The following SHC2 variants were observed in gnomAD, a reference collection of about 807,000 sequenced individuals.
The protein encoded by SHC2 is SHC-transforming protein 2.
In SHC2, 62 loss-of-function variants were observed where a neutral mutation model predicts 60.6. The observed-to-expected ratio is 1.02, with a 90% CI of 0.83 to 1.26. The LOEUF is 1.26. Among genes scored for constraint, SHC2 ranks in the 50% most tolerant of loss-of-function variants. The pLI is 0.00. For synonymous variants in SHC2, 375 were observed against 372.4 expected, an observed-to-expected ratio of 1.01 and a Z score of -0.08; for missense variants, 873 against 822.2, an observed-to-expected ratio of 1.06 and a Z score of -0.76.
intron 1 of SHC2, among the ~76,000 whole-genome samples, chr19:456,055 G>C (rs1975335044): frequency 6.6e-6 from 1 of 152,172 alleles, no homozygotes; most frequent in South Asian, 2.1e-4. Context: ...AGGACCCTCA[G>C]CCCCGGGTTC....
At chr19:458,672 C>T (rs1238030498) in intron 1 of SHC2, among the ~76,000 whole-genome samples, 3 of 106,542 alleles carry the variant, frequency 2.8e-5, no homozygotes, top group Non-Finnish European at 3.6e-5. Context: ...AAGTGGGTTC[C>T]GGGGGAGGGG....
In SHC2 at chr19:453,953, G is replaced by A. The variant is rs1355933931; in HGVS notation, c.468+6576C>T. ...CGAGCCCAGCGCCAAAATGGTACGTGTGGGAGAACACGGGGTCGGTGTCCA... is the reference window on the plus strand; with the variant it reads ...CGAGCCCAGCGCCAAAATGGTACGTATGGGAGAACACGGGGTCGGTGTCCA... On this transcript the variant is annotated intron_variant, in intron 1 of 12. Coordinates refer to ENST00000264554, the MANE Select transcript of SHC2 (RefSeq NM_012435.3). The surrounding 1 kb of genome is among the most constrained non-coding windows in gnomAD (Gnocchi z 6.3). Among the ~76,000 whole-genome samples, 2 of 152,348 alleles carry A rather than the reference G, an allele frequency of 1.3e-5. No individual in the cohort carries two copies. Among genetic ancestry groups the A allele is most frequent in the African/African-American group, 2.4e-5 (1 of 41,592 alleles).
In SHC2 at chr19:443,367, CGGATGGATGGAT is replaced by C. The variant is rs1243614006; in HGVS notation, c.469-2447_469-2436del. ...ATGTGTAGGTGGATGGGTGGATGGA[CGGATGGATGGAT>C]GGGTGGGTGGATGAATGGATGGATG... On this transcript the variant is annotated intron_variant, in intron 1 of 12. Transcript: ENST00000264554. Among the ~76,000 whole-genome samples the C allele has an allele frequency of 1.4e-4, 9 of 64,680 alleles. No individual in the cohort carries two copies. In the East Asian group the frequency reaches 1.7e-3, roughly 12 times the overall value. 42.4% of individuals were successfully genotyped at this position (64,680 alleles called of 152,430 possible). A position where few individuals can be genotyped will look rare whatever the true frequency, so the allele number is the denominator to read the frequency against.
At chr19:454,735 A>G (rs1225204456) in intron 1 of SHC2, among the ~76,000 whole-genome samples, 1 of 151,976 alleles carries the variant, frequency 6.6e-6, no homozygotes, top group Non-Finnish European at 1.5e-5. Context: ...GGTTGCGGTG[A>G]GCCGAGATCG....
rs191826224 is a variant in SHC2 at position 440,091 on chromosome 19, G to A, written c.539+771C>T. On this transcript the variant is annotated intron_variant, in intron 2 of 12. Coordinates refer to ENST00000264554, the MANE Select transcript of SHC2 (RefSeq NM_012435.3). This position sits in a 1 kb window ranked among gnomAD's most constrained non-coding sequence, Gnocchi z 7.0. ...CACAGCGCGGACACACCTCGGGAAC[G>A]CCATGCTCAGTGAGAGACGCCAGAC... Among the ~76,000 whole-genome samples, 6 of 151,202 alleles carry A rather than the reference G, an allele frequency of 4.0e-5. No individual in the cohort carries two copies. The highest frequency in any genetic ancestry group is 2.1e-4 in the South Asian group (1 of 4,736).
Position 438,599 on chromosome 19 carries a change from T to C in SHC2, c.720+119A>G, listed in dbSNP as rs1974774358. 3 of 1,214,404 alleles carry C rather than the reference T, an allele frequency of 2.5e-6. No individual in the cohort carries two copies. In the South Asian group the frequency reaches 4.4e-5, roughly 18 times the overall value. The allele number at this position is 1,214,404 out of a possible 1,614,324, so 75.2% of individuals were successfully genotyped here. A position where few individuals can be genotyped will look rare whatever the true frequency, so the allele number is the denominator to read the frequency against. ...AGCTCCTGCTCAGCGGGGCCTCGGCTCGTCTTTCTGGATAAACGCCACCTG... is the reference window on the plus strand; with the variant it reads ...AGCTCCTGCTCAGCGGGGCCTCGGCCCGTCTTTCTGGATAAACGCCACCTG... On this transcript the variant is annotated intron_variant, in intron 4 of 12. Transcript: ENST00000264554. The surrounding 1 kb of genome is among the most constrained non-coding windows in gnomAD (Gnocchi z 5.0).
chr19:443,574 AC>A (rs1974968902), intron 1 of SHC2, among the ~76,000 whole-genome samples: 1 of 139,370 alleles, frequency 7.2e-6, no homozygotes. Flanking sequence ...GGGTGGATGG[AC>A]GGGTGGGTGG....
chr19:459,611 GAACTCAGTGTAAGGGGAAGGACCCTTCTC>G (rs1975490167), intron 1 of SHC2, among the ~76,000 whole-genome samples: 1 of 149,608 alleles, frequency 6.7e-6, no homozygotes, highest in Non-Finnish European at 1.5e-5. Context: ...GGACCCCACT[GAACTCAGTGTAAGGGGAAGGACCCTTCTC>G]AACTCAGTGT....
In SHC2 at chr19:436,423, C is replaced by A; in HGVS notation, c.783G>T (p.Thr261=). The change falls in exon 6 of 13, where the codon ACG becomes ACT. Residue 261 remains threonine (T), a synonymous_variant. Coordinates refer to ENST00000264554, the MANE Select transcript of SHC2 (RefSeq NM_012435.3). ...SFASGGDTDM[T]DYVAYVAKDP... ...CCTTGGCGACGTAGGCCACGTAATC[C>A]GTCATGTCCTGGGGGCGGGGAGGGG... 1 of 1,597,778 alleles carries A rather than the reference C, an allele frequency of 6.3e-7. No homozygotes were observed. Among genetic ancestry groups the A allele is most frequent in the African/African-American group, 1.3e-5 (1 of 74,344 alleles).
chr19:460,570 C>T lies in SHC2; in HGVS notation c.427G>A (p.Asp143Asn). 1.4e-6 allele frequency: 2 copies of T among 1,413,708 alleles called. No individual in the cohort carries two copies. Among genetic ancestry groups the T allele is most frequent in the African/African-American group, 1.5e-5 (1 of 67,130 alleles). The allele number at this position is 1,413,708 out of a possible 1,614,324, so 87.6% of individuals were successfully genotyped here. Reference sequence around the variant, plus strand: ...ACCCCGGGCCCCAGGACCCTGGCGTCGGGGTGTAGCCAGCCGTGCGCGGGT... The same window carrying T: ...ACCCCGGGCCCCAGGACCCTGGCGTTGGGGTGTAGCCAGCCGTGCGCGGGT... ...HKPAHGWLHP[D>N]ARVLGPGVSY... is the part of the protein sequence containing the mutation. The change falls in exon 1 of 13, where the codon GAC becomes AAC. Residue 143 changes from aspartate to asparagine, a missense_variant. Coordinates refer to ENST00000264554, the MANE Select transcript of SHC2 (RefSeq NM_012435.3).
In SHC2 at chr19:440,781, C is replaced by T; in HGVS notation, c.539+81G>A. ...GACCCCAGCGCGGCTGTCGGAGAGCCCATCGCTGCCGCCCTCCAGTGCTGC... is the reference window on the plus strand; with the variant it reads ...GACCCCAGCGCGGCTGTCGGAGAGCTCATCGCTGCCGCCCTCCAGTGCTGC... On this transcript the variant is annotated intron_variant, in intron 2 of 12. Coordinates refer to ENST00000264554, the MANE Select transcript of SHC2 (RefSeq NM_012435.3). This position sits in a 1 kb window ranked among gnomAD's most constrained non-coding sequence, Gnocchi z 7.0. 1.6e-6 allele frequency: 2 copies of T among 1,244,192 alleles called. No individual in the cohort carries two copies. Among genetic ancestry groups the T allele is most frequent in the Admixed American group, 3.4e-5 (2 of 58,724 alleles). 77.1% of individuals were successfully genotyped at this position (1,244,192 alleles called of 1,614,324 possible). A position where few individuals can be genotyped will look rare whatever the true frequency, so the allele number is the denominator to read the frequency against.
chr19:456,917 G>A (rs113316668), intron 1 of SHC2, among the ~76,000 whole-genome samples: 2,838 of 143,606 alleles, frequency 0.02, 245 homozygotes, highest in African/African-American at 0.072. Context: ...AACCCACTGC[G>A]TGGGGCCTTT....
At chr19:426,229 G>A (rs1974412041) in intron 9 of SHC2, among the ~76,000 whole-genome samples, 1 of 152,228 alleles carries the variant, frequency 6.6e-6, no homozygotes, top group Non-Finnish European at 1.5e-5. Flanking sequence ...GGGTGACGAG[G>A]GCAGAGGGGC....
At position 453,166 on chromosome 19, in the gene SHC2, A is replaced by G. The variant is rs1806528366; in HGVS notation, c.468+7363T>C. On this transcript the variant is annotated intron_variant, in intron 1 of 12. Transcript: ENST00000264554. The surrounding 1 kb of genome is among the most constrained non-coding windows in gnomAD (Gnocchi z 6.3). ...GTCACACCGTCCTGAAAACAGCCCA[A>G]TGTTGTCTGGCCTTGGAAGCTGAGC... 3 of 152,170 alleles carry G rather than the reference A, an allele frequency of 2.0e-5. No homozygotes were observed. The highest frequency in any genetic ancestry group is 6.5e-5 in the Admixed American group (1 of 15,278). 9.4% of individuals were successfully genotyped at this position (152,170 alleles called of 1,614,324 possible). A position where few individuals can be genotyped will look rare whatever the true frequency, so the allele number is the denominator to read the frequency against.
intron 1 of SHC2, among the ~76,000 whole-genome samples, chr19:456,328 C>T (rs896549141): frequency 1.9e-4 from 12 of 62,416 alleles, no homozygotes; most frequent in Admixed American, 1.5e-3. Context: ...GGGCTGAGGC[C>T]GGTCAGGCTC....
intron 4 of SHC2, 51 bp from the exon 5 acceptor site, chr19:436,734 G>T: frequency 1.9e-6 from 3 of 1,540,406 alleles, no homozygotes; most frequent in Non-Finnish European, 1.8e-6. Context: ...TTCGAGGGCA[G>T]GGGGCCCGGC....
Position 436,621 on chromosome 19 carries a change from T to C in SHC2, c.774+9A>G, listed in dbSNP as rs1361403209. On this transcript the variant is annotated intron_variant, in intron 5 of 12. Transcript: ENST00000264554. Reference sequence around the variant, plus strand: ...AGGGCTGCAGGTCCACCCCCATCCCTGGCCTCACCGTGTCTCCGCCTGACG... The same window carrying C: ...AGGGCTGCAGGTCCACCCCCATCCCCGGCCTCACCGTGTCTCCGCCTGACG... 1 of 1,603,654 alleles carries C rather than the reference T, an allele frequency of 6.2e-7. No homozygotes were observed. Among genetic ancestry groups the C allele is most frequent in the East Asian group, 2.2e-5 (1 of 44,624 alleles).
Position 425,235 on chromosome 19 carries a change from G to A in SHC2, c.1175-4C>T. 1 of 1,329,576 alleles carries A rather than the reference G, an allele frequency of 7.5e-7. No homozygotes were observed. Among genetic ancestry groups the A allele is most frequent in the Non-Finnish European group, 9.7e-7 (1 of 1,030,726 alleles). 82.4% of individuals were successfully genotyped at this position (1,329,576 alleles called of 1,614,324 possible). The stretch of plus-strand genomic sequence containing the variant: ...ACGTAGCCGTCCCCCGGTGGAGCTG[G>A]GGAGTGTAAAGAGGGGCAGGGGGTC... On this transcript the variant is annotated splice_region_variant and splice_polypyrimidine_tract_variant and intron_variant, in intron 9 of 12. Transcript: ENST00000264554. The surrounding 1 kb of genome is among the most constrained non-coding windows in gnomAD (Gnocchi z 4.1).
At chr19:439,248 C>T (rs1031574553) in intron 2 of SHC2, 30 of 584,208 alleles carry the variant, frequency 5.1e-5, no homozygotes, top group Admixed American at 1.8e-4. Flanking sequence ...GGAGGAGTGC[C>T]CCACAGGACA....
Sources: allele counts gnomAD v4.1 joint callset (sites outside exome capture counted in the v4.1 genomes callset), GRCh38; gene constraint gnomAD v4.1.1; non-coding constraint Gnocchi (gnomAD v3.1); transcripts MANE v1.5; gene names NCBI Gene and HGNC (gene_info 2026-07-23, HGNC 2026-07-21).